BRWD1: variants seen among roughly 807,000 people sequenced by gnomAD.
BRWD1 encodes bromodomain and WD repeat-containing protein 1.
In BRWD1, 82 loss-of-function variants were observed where a neutral mutation model predicts 251.2. The observed-to-expected ratio is 0.33, with a 90% CI of 0.27 to 0.39. The LOEUF (loss-of-function observed/expected upper bound fraction) is 0.39, where lower values mean the gene tolerates loss of function less well. Among genes scored for constraint, BRWD1 ranks in the 10% least tolerant of loss-of-function variants. BRWD1 has a pLI of 1.00. For missense variants in BRWD1, 2,233 were observed against 2,711.6 expected (o/e 0.82, Z 3.92); for synonymous variants, 918 against 902.8 (o/e 1.02, Z -0.30).
At chr21:39,201,328 C>T (rs911572279) in intron 38 of BRWD1, among the ~76,000 whole-genome samples, 10 of 152,122 alleles carry the variant, frequency 6.6e-5, no homozygotes, top group African/African-American at 2.4e-4. Flanking sequence ...CCCTGTTTTT[C>T]CAGGCTCTTC....
chr21:39,300,503 T>C (rs536625605), intron 4 of BRWD1, among the ~76,000 whole-genome samples: 21 of 152,306 alleles, frequency 1.4e-4, no homozygotes, highest in Non-Finnish European at 1.2e-4. Context: ...AAAGTATTGA[T>C]GCCACCCTCA....
chr21:39,199,718 A>T (rs969083070), intron 39 of BRWD1, 56 bp from the exon 40 acceptor site: 2 of 1,415,520 alleles, frequency 1.4e-6, no homozygotes, highest in Non-Finnish European at 9.6e-7. Context: ...CAACATTTTT[A>T]AATGACTATT....
intron 31 of BRWD1, among the ~76,000 whole-genome samples, chr21:39,217,921 T>C (rs1426403955): frequency 1.3e-5 from 2 of 151,846 alleles, no homozygotes; most frequent in South Asian, 2.1e-4. Flanking sequence ...TTCAGTGATA[T>C]GGAAATAATC....
At chr21:39,261,893 T>TTA (rs1475816776) in intron 17 of BRWD1, among the ~76,000 whole-genome samples, 7 of 152,200 alleles carry the variant, frequency 4.6e-5, no homozygotes, top group Non-Finnish European at 8.8e-5. Context: ...ACTCTACACT[T>TTA]AATAGAGTAC....
At chr21:39,226,418 C>A (rs1256054543) in intron 27 of BRWD1, among the ~76,000 whole-genome samples, 1 of 152,058 alleles carries the variant, frequency 6.6e-6, no homozygotes, top group Non-Finnish European at 1.5e-5. Context: ...ATTTCTCAAC[C>A]ACAAAAATAA....
At chr21:39,313,850 G>C (rs1052245386), upstream of BRWD1, 4 of 341,616 alleles carry the variant, frequency 1.2e-5, no homozygotes, top group South Asian at 2.5e-5. Context: ...GGGGAGGGGA[G>C]GGCGCGTGGT....
At chr21:39,215,918 T>C (rs1486638663) in intron 31 of BRWD1, among the ~76,000 whole-genome samples, 1 of 152,140 alleles carries the variant, frequency 6.6e-6, no homozygotes, top group Non-Finnish European at 1.5e-5. Flanking sequence ...GAGGATTGCT[T>C]GAGCCTGGCA....
Position 39,186,192 on chromosome 21 carries a change from T to G in BRWD1, c.*10067A>C, listed in dbSNP as rs187748425. The G allele has an allele frequency of 6.6e-6, 1 of 151,630 alleles. No homozygotes were observed. The highest frequency in any genetic ancestry group is 1.5e-5 in the Non-Finnish European group (1 of 67,698). 9.4% of individuals were successfully genotyped at this position (151,630 alleles called of 1,614,324 possible). On this transcript the variant is annotated 3_prime_UTR_variant, in exon 41 of 41. Transcript: ENST00000342449. The stretch of plus-strand genomic sequence containing the variant: ...TACATTTTATTTTTATCTAACTGAT[T>G]AAGACCTGCCTCTTAATGAGGCACA...
rs768900551 is a variant in BRWD1, at chr21:39,218,233, G to A, written c.3578C>T (p.Thr1193Ile). Residue 1193 changes from threonine to isoleucine, a missense_variant, in exon 31 of 41, where the codon ACA (threonine) becomes ATA (isoleucine). By Grantham distance (89) the Thr-to-Ile change is moderately conservative. Around this residue, in one of 12 missense-constraint regions of BRWD1, gnomAD observed 167 missense variants for 183.2 expected, o/e 0.91. Transcript: ENST00000342449. ...AAFAGPVDLCTYPKYCTVVAY... is the reference protein window; with the variant it reads ...AAFAGPVDLCIYPKYCTVVAY... ...TACTACAGTACAGTACTTCGGGTATGTACACAAATCAACAGGGCCTGCAAA... is the reference window on the plus strand; with the variant it reads ...TACTACAGTACAGTACTTCGGGTATATACACAAATCAACAGGGCCTGCAAA... The A allele has an allele frequency of 1.9e-6, 3 of 1,611,490 alleles. No individual in the cohort carries two copies. Among genetic ancestry groups the A allele is most frequent in the African/African-American group, 1.3e-5 (1 of 74,820 alleles).
intron 19 of BRWD1, among the ~76,000 whole-genome samples, chr21:39,253,826 A>C (rs7278297): frequency 0.52 from 79,038 of 152,110 alleles, 21,021 homozygotes; most frequent in African/African-American, 0.62. Flanking sequence ...TTTAGATATC[A>C]TTCTAAAAAG....
Position 39,187,130 on chromosome 21 carries a change from C to T in BRWD1, c.*9129G>A, listed in dbSNP as rs749797983. The T allele has an allele frequency of 1.3e-5, 21 of 1,612,648 alleles. No individual in the cohort carries two copies. The East Asian group carries it at 4.0e-4, about 31-fold the overall frequency. On this transcript the variant is annotated 3_prime_UTR_variant, in exon 41 of 41. Transcript: ENST00000342449. The stretch of plus-strand genomic sequence containing the variant: ...CTTTCAGAATTTATGGTTGTATCAT[C>T]CTCTTTATAAACATTCAGTAATTTT...
In BRWD1 at chr21:39,277,351, C is replaced by T; in HGVS notation, c.1004G>A (p.Gly335Asp). ...VQMLCSSFSVGGMFLATGSTD... is the reference protein window; with the variant it reads ...VQMLCSSFSVDGMFLATGSTD... ...ACTACCTGTGGCTAAAAACATACCACCTGAAATAAAAATGGTAAGGTTTAA... is the reference window on the plus strand; with the variant it reads ...ACTACCTGTGGCTAAAAACATACCATCTGAAATAAAAATGGTAAGGTTTAA... The change falls in exon 11 of 41, where the codon GGT becomes GAT. Residue 335 changes from glycine to aspartate, a missense_variant and splice_region_variant. By Grantham distance (94) the Gly-to-Asp change is moderately conservative (BLOSUM62 -1). Transcript: ENST00000342449. The T allele has an allele frequency of 6.4e-7, 1 of 1,569,516 alleles. No individual in the cohort carries two copies. Among genetic ancestry groups the T allele is most frequent in the Non-Finnish European group, 8.7e-7 (1 of 1,154,788 alleles).
chr21:39,185,450 C>A (rs1279367623), downstream of BRWD1: 1 of 151,844 alleles, frequency 6.6e-6, no homozygotes, highest in African/African-American at 2.4e-5. Flanking sequence ...TTAAGCATTT[C>A]ATTAGAGCTC....
chr21:39,198,873 T>C lies in BRWD1; in HGVS notation c.5543A>G (p.Asn1848Ser), dbSNP rs752175166. The change falls in exon 40 of 41, where the codon AAT (asparagine) becomes AGT (serine). Residue 1848 changes from asparagine to serine, a missense_variant. Transcript: ENST00000342449. ...CATAGCAATAGGGTCACAGTTCAGA[T>C]TTCCTGAAATTGGGTTCATTTCCAT... Reference protein sequence around the residue: ...HKMEMNPISGNLNCDPIAMSQ... With the variant: ...HKMEMNPISGSLNCDPIAMSQ... 1 of 1,614,162 alleles carries C rather than the reference T, an allele frequency of 6.2e-7. No homozygotes were observed. The highest frequency in any genetic ancestry group is 1.1e-5 in the South Asian group (1 of 91,082).
At chr21:39,315,645 A>AG (rs2036687950), upstream of BRWD1, 1 of 151,966 alleles carries the variant, frequency 6.6e-6, no homozygotes, top group Admixed American at 6.6e-5. Flanking sequence ...AAAAAAAAAA[A>AG]GCTATTTGTG....
intron 8 of BRWD1, among the ~76,000 whole-genome samples, chr21:39,282,378 T>C (rs991645491): frequency 1.3e-5 from 2 of 152,150 alleles, no homozygotes; most frequent in African/African-American, 2.4e-5. Context: ...TGAAAGTGAT[T>C]GTTTATATCT....
upstream of BRWD1, chr21:39,313,852 G>A (rs950869107): frequency 2.1e-5 from 7 of 340,692 alleles, no homozygotes; most frequent in Non-Finnish European, 3.8e-5. Context: ...GGAGGGGAGG[G>A]CGCGTGGTCC....
At chr21:39,281,179 A>AT (rs569712404) in intron 8 of BRWD1, among the ~76,000 whole-genome samples, 160 of 152,350 alleles carry the variant, frequency 1.1e-3, no homozygotes, top group African/African-American at 3.5e-3. Flanking sequence ...TAATCAAAGC[A>AT]GCTTAAAGGG....
rs1409755036 is a variant in BRWD1, at chr21:39,188,696, A to G, written c.*7563T>C. On this transcript the variant is annotated 3_prime_UTR_variant, in exon 41 of 41. Coordinates refer to ENST00000342449, the MANE Select transcript of BRWD1 (RefSeq NM_033656.4). ...GCACTTCAGATTTTTCCCTAAGTCTATGAAACTGATTTCACACTTCTCTAA... is the reference window on the plus strand; with the variant it reads ...GCACTTCAGATTTTTCCCTAAGTCTGTGAAACTGATTTCACACTTCTCTAA... 2 of 985,418 alleles carry G rather than the reference A, an allele frequency of 2.0e-6. No homozygotes were observed. Among genetic ancestry groups the G allele is most frequent in the East Asian group, 1.1e-4 (1 of 8,816 alleles). 61.0% of individuals were successfully genotyped at this position (985,418 alleles called of 1,614,324 possible).
Sources: gnomAD v4.1 joint callset for allele counts (sites outside exome capture counted in the v4.1 genomes callset) on GRCh38, gnomAD v4.1.1 for gene constraint, gnomAD v4.1.1 regional missense constraint, MANE v1.5 for transcripts, NCBI Gene and HGNC (gene_info 2026-07-23, HGNC 2026-07-21) for gene names.